PDILT: variants seen among roughly 807,000 people sequenced by gnomAD.
PDILT encodes protein disulfide isomerase like, testis expressed.
Under a neutral mutation model 53.7 loss-of-function variants are expected in PDILT, and 43 were observed. The observed-to-expected ratio is 0.80, with a 90% confidence interval of 0.63 to 1.03. The LOEUF is 1.03. PDILT is among the 50% of genes least tolerant of loss of function. PDILT has a pLI of 0.00. For synonymous variants in PDILT, 282 were observed against 274.2 expected, an observed-to-expected ratio of 1.03 and a Z score of -0.28; for missense variants, 727 against 712.3, an observed-to-expected ratio of 1.02 and a Z score of -0.24.
At chr16:20,392,818 C>T (rs1174640568) in intron 2 of PDILT, among the ~76,000 whole-genome samples, 1 of 152,146 alleles carries the variant, frequency 6.6e-6, no homozygotes, top group East Asian at 1.9e-4. Flanking sequence ...CCCTCTGTAG[C>T]CTCAGATTTA....
At chr16:20,374,795 T>A in intron 5 of PDILT, 27 bp downstream of exon 5, 1 of 1,598,210 alleles carries the variant, frequency 6.3e-7, no homozygotes, top group Non-Finnish European at 8.5e-7. Flanking sequence ...CAGAGACCTC[T>A]CACTAGCAAT....
chr16:20,361,592 C>G, intron 10 of PDILT, among the ~76,000 whole-genome samples: 1 of 152,194 alleles, frequency 6.6e-6, no homozygotes, highest in East Asian at 1.9e-4. Flanking sequence ...CTCAGCCCAG[C>G]CTCAGTAACA....
At chr16:20,399,414 C>T in intron 1 of PDILT, 107 bp from the exon 2 acceptor site, 1 of 1,214,164 alleles carries the variant, frequency 8.2e-7, no homozygotes, top group South Asian at 1.4e-5. Context: ...GTGAATGTGG[C>T]CTGAGCATTG....
chr16:20,367,070 T>A (rs564112241), intron 8 of PDILT, among the ~76,000 whole-genome samples: 5 of 131,682 alleles, frequency 3.8e-5, no homozygotes, highest in Admixed American at 8.1e-5. Context: ...TTTCTTTCTT[T>A]CTTTCTTTCT....
chr16:20,387,221 T>C (rs896471297), intron 2 of PDILT, among the ~76,000 whole-genome samples: 1 of 152,154 alleles, frequency 6.6e-6, no homozygotes, highest in Non-Finnish European at 1.5e-5. Context: ...AAGTAAAATA[T>C]GTGCTGTGTT....
rs748898768 is a variant in PDILT at position 20,359,295 on chromosome 16, TC to T, written c.*23del. 1 of 1,606,604 alleles carries T rather than the reference TC, an allele frequency of 6.2e-7. No individual in the cohort carries two copies. The highest frequency in any genetic ancestry group is 2.2e-5 in the East Asian group (1 of 44,792). ...GATGCCAGGATCTGGAAAATAAGCA[TC>T]TTTTTTCCTGGTATTGGAGAAGCTA... On this transcript the variant is annotated 3_prime_UTR_variant, in exon 12 of 12. Coordinates refer to ENST00000302451, the MANE Select transcript of PDILT (RefSeq NM_174924.2).
At chr16:20,368,848 T>C (rs531013754) in intron 8 of PDILT, among the ~76,000 whole-genome samples, 56 of 152,190 alleles carry the variant, frequency 3.7e-4, no homozygotes, top group African/African-American at 1.3e-3. Context: ...CTTTGCAAAG[T>C]GCTGGGATTA....
chr16:20,372,954 C>A (rs778829764), intron 6 of PDILT, 27 bp from the exon 7 acceptor site: 49 of 1,613,650 alleles, frequency 3.0e-5, no homozygotes, highest in Non-Finnish European at 4.2e-5. Context: ...AATATGTCAT[C>A]CCAAGCACAC....
chr16:20,400,173 C>A (rs1384759919), intron 1 of PDILT, among the ~76,000 whole-genome samples: 1 of 151,946 alleles, frequency 6.6e-6, no homozygotes, highest in Non-Finnish European at 1.5e-5. Flanking sequence ...GAGGCTCACC[C>A]TAGTGATCCT....
intron 9 of PDILT, among the ~76,000 whole-genome samples, chr16:20,363,654 G>A (rs970664181): frequency 1.3e-5 from 2 of 151,926 alleles, no homozygotes; most frequent in Non-Finnish European, 2.9e-5. Context: ...CTATACCACA[G>A]GTAGGCATTA....
At chr16:20,387,940 G>T (rs997712194) in intron 2 of PDILT, among the ~76,000 whole-genome samples, 2 of 152,186 alleles carry the variant, frequency 1.3e-5, no homozygotes, top group Non-Finnish European at 2.9e-5. Context: ...AAGGATGCAG[G>T]TAGACCAGTC....
intron 2 of PDILT, among the ~76,000 whole-genome samples, chr16:20,391,338 T>A (rs577678658): frequency 6.6e-6 from 1 of 151,656 alleles, no homozygotes; most frequent in Admixed American, 6.6e-5. Context: ...ATCATTACCA[T>A]CACCATCATC....
At chr16:20,393,564 G>A (rs1966630016) in intron 2 of PDILT, among the ~76,000 whole-genome samples, 2 of 152,212 alleles carry the variant, frequency 1.3e-5, no homozygotes, top group African/African-American at 4.8e-5. Flanking sequence ...CCTAGCAGGG[G>A]AGGCACCAGG....
chr16:20,382,387 T>C (rs1966472852), intron 3 of PDILT, among the ~76,000 whole-genome samples: 1 of 152,232 alleles, frequency 6.6e-6, no homozygotes, highest in South Asian at 2.1e-4. Context: ...TAAAACTTTA[T>C]TGGAACACAG....
intron 8 of PDILT, among the ~76,000 whole-genome samples, chr16:20,366,662 C>T (rs1473090294): frequency 6.6e-6 from 1 of 152,192 alleles, no homozygotes; most frequent in Non-Finnish European, 1.5e-5. Flanking sequence ...GCTTTTGCTT[C>T]TTTTTGAAGT....
intron 3 of PDILT, among the ~76,000 whole-genome samples, chr16:20,379,999 A>G (rs1966441140): frequency 6.6e-6 from 1 of 152,252 alleles, no homozygotes; most frequent in Non-Finnish European, 1.5e-5. Context: ...GTCTGGCAAA[A>G]GTATATTGTA....
intron 1 of PDILT, among the ~76,000 whole-genome samples, chr16:20,400,888 A>G (rs1012489656): frequency 9.9e-5 from 15 of 152,200 alleles, no homozygotes; most frequent in Admixed American, 9.8e-4. Context: ...TAATGTCATC[A>G]TATCATCAAA....
chr16:20,373,004 T>C lies in PDILT; in HGVS notation c.792+8A>G, dbSNP rs1466853131. The stretch of plus-strand genomic sequence containing the variant: ...TCCCCTTCCTCCGGGGACCATTTAC[T>C]CACTGACCTCAGTGTTGTATTCGAT... On this transcript the variant is annotated splice_region_variant and intron_variant, in intron 6 of 11. Coordinates refer to ENST00000302451, the MANE Select transcript of PDILT (RefSeq NM_174924.2). 1 of 1,613,822 alleles carries C rather than the reference T, an allele frequency of 6.2e-7. No individual in the cohort carries two copies. Among genetic ancestry groups the C allele is most frequent in the African/African-American group, 1.3e-5 (1 of 74,896 alleles).
chr16:20,359,215 A>T lies in PDILT; in HGVS notation c.*104T>A. 1 of 1,495,942 alleles carries T rather than the reference A, an allele frequency of 6.7e-7. No homozygotes were observed. The highest frequency in any genetic ancestry group is 9.0e-7 in the Non-Finnish European group (1 of 1,116,720). The allele number at this position is 1,495,942 out of a possible 1,614,324, so 92.7% of individuals were successfully genotyped here. On this transcript the variant is annotated 3_prime_UTR_variant, in exon 12 of 12. Coordinates refer to ENST00000302451, the MANE Select transcript of PDILT (RefSeq NM_174924.2). ...TATTATCCACCCCTACCCCCGCCCC[A>T]CCTACCCTACCACAATGATATATGC...
Sources: gnomAD v4.1 joint callset for allele counts (sites outside exome capture counted in the v4.1 genomes callset) on GRCh38, gnomAD v4.1.1 for gene constraint, MANE v1.5 for transcripts, NCBI Gene and HGNC (gene_info 2026-07-23, HGNC 2026-07-21) for gene names.